MDH1: variants seen among roughly 807,000 people sequenced by gnomAD.
MDH1 encodes malate dehydrogenase 1, also known as malate dehydrogenase, cytoplasmic.
A neutral mutation model predicts 38.7 loss-of-function variants in MDH1; 15 were observed. The ratio of observed to expected loss-of-function variants is 0.39; its 90% CI spans 0.26 to 0.60. The LOEUF is 0.60. Among genes scored for constraint, MDH1 ranks in the 20% least tolerant of loss-of-function variants. MDH1 has a pLI of 0.56. For missense variants in MDH1, 368 were observed against 405.2 expected, an observed-to-expected ratio of 0.91 and a Z score of 0.79; for synonymous variants, 144 against 143.6, an observed-to-expected ratio of 1.00 and a Z score of -0.02.
At chr2:63,593,504 T>G (rs987068417) in intron 1 of MDH1, 10 of 469,044 alleles carry the variant, frequency 2.1e-5, no homozygotes, top group Admixed American at 1.4e-4. Context: ...GAAAGAAGCC[T>G]TCGAGGCTAT....
chr2:63,606,124 A>G, intron 8 of MDH1, 96 bp downstream of exon 8: 2 of 1,176,398 alleles, frequency 1.7e-6, no homozygotes, highest in Non-Finnish European at 2.5e-6. Flanking sequence ...GCTCACGCCT[A>G]TAATCCCAAC....
rs1183532328 is a variant in MDH1, at chr2:63,599,278, C to T, written c.484C>T (p.Arg162Ter). The T allele has an allele frequency of 3.7e-6, 6 of 1,611,866 alleles. No individual in the cohort carries two copies. Among genetic ancestry groups the T allele is most frequent in the South Asian group, 1.1e-5 (1 of 90,698 alleles). The change falls in exon 5 of 9, where the codon CGA becomes TGA. Residue 162 changes from arginine to a stop codon, truncating the protein, a stop_gained. Transcript: ENST00000233114. LOFTEE classifies it high-confidence loss of function. The part of the protein sequence containing the change: ...FSCLTRLDHN[R>*]AKAQIALKLG... ...TTGCTTGACTCGTTTGGATCACAAC[C>T]GAGCTAAAGCTCAAGTAAGAAAAAT...
Position 63,599,158 on chromosome 2 carries a change from C to T in MDH1, c.376-12C>T. 3 of 1,612,106 alleles carry T rather than the reference C, an allele frequency of 1.9e-6. No homozygotes were observed. The highest frequency in any genetic ancestry group is 2.5e-6 in the Non-Finnish European group (3 of 1,178,914). ...TAGTCTGTAACTCTTCAGTGCCTTC[C>T]ATTCCTCCTAGGTTATTGTTGTGGG... On this transcript the variant is annotated splice_polypyrimidine_tract_variant and intron_variant, in intron 4 of 8. Transcript: ENST00000233114.
At chr2:63,594,820 T>G (rs1367496549) in intron 2 of MDH1, 3 of 391,700 alleles carry the variant, frequency 7.7e-6, no homozygotes, top group Non-Finnish European at 1.4e-5. Flanking sequence ...GTTGACTTGG[T>G]GCAACCAGCA....
In MDH1 at chr2:63,605,110, T is replaced by A. The variant is rs577179122; in HGVS notation, c.676-170T>A. On this transcript the variant is annotated intron_variant, in intron 6 of 8. Transcript: ENST00000233114. Reference sequence around the variant, plus strand: ...TAAACTTTGTATGGAGATACATAGTTTCCTTTTTCCAGAAGGATTGGTAAG... The same window carrying A: ...TAAACTTTGTATGGAGATACATAGTATCCTTTTTCCAGAAGGATTGGTAAG... Among the ~76,000 whole-genome samples the A allele has an allele frequency of 4.7e-4, 72 of 152,334 alleles. 1 individual carries two copies. In the South Asian group the frequency reaches 0.013, roughly 29 times the overall value.
chr2:63,592,399 G>C (rs368099399), intron 1 of MDH1, among the ~76,000 whole-genome samples: 1 of 152,316 alleles, frequency 6.6e-6, no homozygotes, highest in East Asian at 1.9e-4. Context: ...CACCAAGGCT[G>C]AAGTGCACTC....
In MDH1 at chr2:63,595,529, G is replaced by A. The variant is rs1709293702; in HGVS notation, c.199+10G>A. ...CTTCCCCTCCTGAAAGGTGGGTTGG[G>A]GAGTAGAGAAGGGATTTTATGGTAT... On this transcript the variant is annotated intron_variant, in intron 3 of 8. Transcript: ENST00000233114. 1.3e-6 allele frequency: 2 copies of A among 1,548,404 alleles called. No homozygotes were observed. Among genetic ancestry groups the A allele is most frequent in the African/African-American group, 1.4e-5 (1 of 73,622 alleles).
intron 1 of MDH1, chr2:63,593,361 T>C: frequency 3.1e-6 from 1 of 319,250 alleles, no homozygotes; most frequent in South Asian, 2.9e-5. Context: ...CCCAAAGTGC[T>C]GAGATTACAG....
At chr2:63,593,706 TTCTG>T (rs1251867002) in intron 1 of MDH1, 4 of 471,318 alleles carry the variant, frequency 8.5e-6, no homozygotes, top group Admixed American at 4.7e-5. Context: ...AACTGAATTT[TTCTG>T]TCTAACTAAA....
chr2:63,603,108 C>T (rs574214712), intron 5 of MDH1, among the ~76,000 whole-genome samples: 6 of 151,918 alleles, frequency 3.9e-5, no homozygotes, highest in East Asian at 3.9e-4. Context: ...TACAGGCACA[C>T]GCTGCCACAC....
rs1709277351 is a variant in MDH1, at chr2:63,594,981, TC to T, written c.102+397del. ...CCCCGCTGAAGCAGGCACTCCGACT[TC>T]CAGCAAGCCTGATTAATATACACTA... On this transcript the variant is annotated intron_variant, in intron 2 of 8. Coordinates refer to ENST00000233114, the MANE Select transcript of MDH1 (RefSeq NM_005917.4). The T allele has an allele frequency of 1.6e-5, 4 of 252,300 alleles. No homozygotes were observed. In the South Asian group the frequency reaches 1.9e-4, roughly 12 times the overall value. The allele number at this position is 252,300 out of a possible 1,614,324, so 15.6% of individuals were successfully genotyped here. A position where few individuals can be genotyped will look rare whatever the true frequency, so the allele number is the denominator to read the frequency against.
chr2:63,601,886 C>T (rs1331783310), intron 5 of MDH1, among the ~76,000 whole-genome samples: 1 of 152,152 alleles, frequency 6.6e-6, no homozygotes, highest in East Asian at 1.9e-4. Context: ...ATATACCATA[C>T]CAGCTAAATT....
At position 63,595,507 on chromosome 2, in the gene MDH1, C is replaced by A; in HGVS notation, c.187C>A (p.Pro63Thr). 1 of 1,606,108 alleles carries A rather than the reference C, an allele frequency of 6.2e-7. No individual in the cohort carries two copies. The highest frequency in any genetic ancestry group is 8.5e-7 in the Non-Finnish European group (1 of 1,172,778). Residue 63 changes from proline (P) to threonine (T), a missense_variant, in exon 3 of 9, where the codon CCC (proline) becomes ACC (threonine). Coordinates refer to ENST00000233114, the MANE Select transcript of MDH1 (RefSeq NM_005917.4). ...VLMELQDCAL[P>T]LLKDVIATDK... ...AATGGAACTGCAAGACTGTGCCCTT[C>A]CCCTCCTGAAAGGTGGGTTGGGGAG... is the stretch of plus-strand genomic sequence containing the variant.
chr2:63,605,900 A>G (rs751738711), intron 7 of MDH1, 39 bp from the exon 8 acceptor site: 1 of 1,526,410 alleles, frequency 6.6e-7, no homozygotes, highest in Non-Finnish European at 9.1e-7. Flanking sequence ...AGTTGTGTAA[A>G]CTAATCATCA....
intron 1 of MDH1, among the ~76,000 whole-genome samples, chr2:63,591,867 CTT>C (rs905811224): frequency 3.3e-5 from 5 of 152,190 alleles, no homozygotes; most frequent in African/African-American, 9.7e-5. Context: ...TGTGTTAACT[CTT>C]TTAATCCTTA....
intron 8 of MDH1, 87 bp from the exon 9 acceptor site, chr2:63,606,775 A>G (rs976342482): frequency 9.8e-6 from 9 of 919,536 alleles, no homozygotes; most frequent in African/African-American, 6.8e-5. Flanking sequence ...AAAACGATAT[A>G]CCTCTAAATA....
intron 1 of MDH1, chr2:63,593,413 T>A (rs766653892): frequency 4.6e-4 from 80 of 175,620 alleles, no homozygotes; most frequent in Non-Finnish European, 8.1e-4. Context: ...TTTTTTGAAA[T>A]TTTTTTTTTT....
chr2:63,589,075 C>T (rs138148100), intron 1 of MDH1, 29 bp downstream of exon 1: 1 of 1,614,122 alleles, frequency 6.2e-7, no homozygotes, highest in East Asian at 2.2e-5. Context: ...TTCCTGCCCA[C>T]CTCTGGCCCT....
intron 1 of MDH1, chr2:63,589,475 G>T: frequency 1.5e-6 from 2 of 1,297,544 alleles, no homozygotes; most frequent in South Asian, 2.5e-5. Context: ...CAGGGACCTT[G>T]AAAGCAAAAA....
Sources: allele counts gnomAD v4.1 joint callset (sites outside exome capture counted in the v4.1 genomes callset), GRCh38; gene constraint gnomAD v4.1.1; transcripts MANE v1.5; gene names NCBI Gene and HGNC (gene_info 2026-07-23, HGNC 2026-07-21).